Variants in BMP6 observed in about 807,000 individuals in gnomAD.
The protein encoded by BMP6 is bone morphogenetic protein 6.
In BMP6, 17 loss-of-function variants were observed where a neutral mutation model predicts 54.1. That is an observed-to-expected ratio of 0.31 (90% CI 0.22 to 0.47). BMP6 has a LOEUF of 0.47. Ranked by LOEUF, BMP6 falls within the 20% of genes least tolerant of loss-of-function variation. The pLI, the probability that BMP6 is intolerant of heterozygous loss-of-function variation, is 1.00. For missense variants in BMP6, 720 were observed against 690.4 expected, an observed-to-expected ratio of 1.04 and a Z score of -0.48; for synonymous variants, 328 against 291.2, an observed-to-expected ratio of 1.13 and a Z score of -1.28.
intron 1 of BMP6, among the ~76,000 whole-genome samples, chr6:7,833,420 C>G (rs1269384953): frequency 6.6e-6 from 1 of 152,090 alleles, no homozygotes; most frequent in Admixed American, 6.5e-5. Flanking sequence ...GAGCTAGAGA[C>G]AGAGGGGCAG....
intron 1 of BMP6, among the ~76,000 whole-genome samples, chr6:7,793,177 A>T (rs1246905135): frequency 3.9e-5 from 6 of 152,144 alleles, no homozygotes; most frequent in Non-Finnish European, 7.4e-5. Context: ...CATCCAGACG[A>T]TGGGCTATTC....
chr6:7,824,228 G>A (rs1176376600), intron 1 of BMP6, among the ~76,000 whole-genome samples: 1 of 152,204 alleles, frequency 6.6e-6, no homozygotes, highest in Non-Finnish European at 1.5e-5. Flanking sequence ...AATTCAAGAA[G>A]TCATAGTCAT....
chr6:7,759,949 C>T (rs1757586803), intron 1 of BMP6, among the ~76,000 whole-genome samples: 1 of 151,816 alleles, frequency 6.6e-6, no homozygotes, highest in South Asian at 2.1e-4. Flanking sequence ...AGGTGATCTG[C>T]CTACCTTGGC....
chr6:7,880,766 A>G lies in BMP6; in HGVS notation c.*423A>G. 4.8e-6 allele frequency: 1 copy of G among 207,750 alleles called. No homozygotes were observed. The highest frequency in any genetic ancestry group is 9.9e-6 in the Non-Finnish European group (1 of 101,196). The allele number at this position is 207,750 out of a possible 1,614,324, so 12.9% of individuals were successfully genotyped here. On this transcript the variant is annotated 3_prime_UTR_variant, in exon 7 of 7. Coordinates refer to ENST00000283147, the MANE Select transcript of BMP6 (RefSeq NM_001718.6). ...TCAGCTGGTTCAGTACTGTCTATCA[A>G]AGGTAGATTTTACAGAGAACAGAAA...
intron 1 of BMP6, among the ~76,000 whole-genome samples, chr6:7,763,892 AC>A (rs1757648476): frequency 6.6e-6 from 1 of 152,236 alleles, no homozygotes; most frequent in Non-Finnish European, 1.5e-5. Context: ...GACTACAAGG[AC>A]CAATATATTG....
chr6:7,745,643 T>C (rs145340177), intron 1 of BMP6, among the ~76,000 whole-genome samples: 319 of 152,076 alleles, frequency 2.1e-3, no homozygotes, highest in African/African-American at 7.3e-3. Context: ...GGTTGTCCAG[T>C]GTTTATTGGT....
intron 2 of BMP6, among the ~76,000 whole-genome samples, chr6:7,859,116 C>T (rs549785161): frequency 6.6e-6 from 1 of 152,178 alleles, no homozygotes; most frequent in East Asian, 1.9e-4. Flanking sequence ...GCCTTTGCCC[C>T]AAGTTTAACT....
intron 4 of BMP6, among the ~76,000 whole-genome samples, chr6:7,874,415 C>T (rs1759574144): frequency 6.6e-6 from 1 of 152,172 alleles, no homozygotes; most frequent in South Asian, 2.1e-4. Flanking sequence ...CCCAGATGGC[C>T]TCATGCCTCA....
At chr6:7,769,244 A>G (rs1757745737) in intron 1 of BMP6, among the ~76,000 whole-genome samples, 3 of 152,218 alleles carry the variant, frequency 2.0e-5, no homozygotes, top group African/African-American at 7.2e-5. Flanking sequence ...AGCTCTTCAG[A>G]GCCCAGACTT....
At chr6:7,749,306 A>G (rs1008742129) in intron 1 of BMP6, among the ~76,000 whole-genome samples, 19 of 152,304 alleles carry the variant, frequency 1.2e-4, no homozygotes, top group African/African-American at 3.8e-4. Context: ...ACATGTTTCT[A>G]TATTCTTTGG....
intron 1 of BMP6, among the ~76,000 whole-genome samples, chr6:7,820,348 T>A (rs2113222720): frequency 6.6e-6 from 1 of 152,278 alleles, no homozygotes; most frequent in Non-Finnish European, 1.5e-5. Context: ...CCCACCCAGG[T>A]GCATTGGTGG....
chr6:7,729,203 T>C (rs1761806233), intron 1 of BMP6, among the ~76,000 whole-genome samples: 1 of 152,146 alleles, frequency 6.6e-6, no homozygotes, highest in Non-Finnish European at 1.5e-5. Flanking sequence ...AAATTTGTAG[T>C]GGGTGGGGGC....
intron 1 of BMP6, among the ~76,000 whole-genome samples, chr6:7,819,837 T>A (rs1758581299): frequency 6.6e-6 from 1 of 152,248 alleles, no homozygotes; most frequent in Non-Finnish European, 1.5e-5. Flanking sequence ...TTATTTTTTC[T>A]AGCAGCATTA....
chr6:7,787,282 T>A (rs1308011350), intron 1 of BMP6, among the ~76,000 whole-genome samples: 1 of 152,176 alleles, frequency 6.6e-6, no homozygotes, highest in Admixed American at 6.5e-5. Context: ...CGTGAACTTC[T>A]CTGGAAGCGC....
At chr6:7,740,491 T>C (rs1204077718) in intron 1 of BMP6, among the ~76,000 whole-genome samples, 1 of 152,218 alleles carries the variant, frequency 6.6e-6, no homozygotes, top group Non-Finnish European at 1.5e-5. Context: ...GCCTCAACTT[T>C]TAATCATTAG....
In BMP6 at chr6:7,727,017, G is replaced by T. The variant is rs2113094246; in HGVS notation, c.62G>T (p.Cys21Phe). 8.9e-7 allele frequency: 1 copy of T among 1,125,310 alleles called. No homozygotes were observed. Among genetic ancestry groups the T allele is most frequent in the Non-Finnish European group, 1.1e-6 (1 of 921,182 alleles). 69.7% of individuals were successfully genotyped at this position (1,125,310 alleles called of 1,614,324 possible). A position where few individuals can be genotyped will look rare whatever the true frequency, so the allele number is the denominator to read the frequency against. Reference sequence around the variant, plus strand: ...TGGTGGTGGGGGCTGCTGTGCAGCTGCTGCGGGCCCCCGCCGCTGCGGCCG... The same window carrying T: ...TGGTGGTGGGGGCTGCTGTGCAGCTTCTGCGGGCCCCCGCCGCTGCGGCCG... ...LCWWWGLLCS[C>F]CGPPPLRPPL... Residue 21 changes from cysteine to phenylalanine, a missense_variant, in exon 1 of 7, where the codon TGC (cysteine) becomes TTC (phenylalanine). Cys to Phe is a radical substitution (Grantham distance 205, BLOSUM62 -2). Coordinates refer to ENST00000283147, the MANE Select transcript of BMP6 (RefSeq NM_001718.6).
chr6:7,804,284 C>CTTTT (rs35888811), intron 1 of BMP6, among the ~76,000 whole-genome samples: 1 of 149,318 alleles, frequency 6.7e-6, no homozygotes, highest in Non-Finnish European at 1.5e-5. Flanking sequence ...GTTAAAGTAA[C>CTTTT]TTTTTTTTTT....
chr6:7,864,272 T>C (rs1307899438), intron 4 of BMP6, among the ~76,000 whole-genome samples: 3 of 152,196 alleles, frequency 2.0e-5, no homozygotes, highest in African/African-American at 4.8e-5. Flanking sequence ...AGAGAACTTG[T>C]TTCCCTGGTT....
chr6:7,838,560 G>A (rs572707240), intron 1 of BMP6, among the ~76,000 whole-genome samples: 3 of 152,176 alleles, frequency 2.0e-5, no homozygotes, highest in South Asian at 4.2e-4. Context: ...TAATAGTACC[G>A]AACTGGACTC....
Sources: gnomAD v4.1 joint callset for allele counts (sites outside exome capture counted in the v4.1 genomes callset) on GRCh38, gnomAD v4.1.1 for gene constraint, MANE v1.5 for transcripts, NCBI Gene and HGNC (gene_info 2026-07-23, HGNC 2026-07-21) for gene names.